The following ABCC1 variants were observed in gnomAD, a reference collection of about 807,000 sequenced individuals.
ABCC1 encodes ATP binding cassette subfamily C member 1 (ABCC1 blood group).
In ABCC1, 83 loss-of-function variants were observed where a neutral mutation model predicts 172.9. The observed-to-expected ratio is 0.48, with a 90% CI of 0.40 to 0.58. The LOEUF is 0.58. Among genes scored for constraint, ABCC1 ranks in the 20% least tolerant of loss-of-function variants. ABCC1 has a pLI of 0.00. For synonymous variants in ABCC1, 937 were observed against 825.2 expected (o/e 1.14, Z -2.32); for missense variants, 1,817 against 2,002.7 (o/e 0.91, Z 1.77).
chr16:16,055,192 T>C (rs1374204962), intron 11 of ABCC1, among the ~76,000 whole-genome samples: 3 of 152,008 alleles, frequency 2.0e-5, no homozygotes, highest in East Asian at 1.9e-4. Context: ...ATCATGCCAC[T>C]GCACTCCAGC....
chr16:16,009,667 A>G (rs957596320), intron 2 of ABCC1, 109 bp from the exon 3 acceptor site: 2 of 1,215,272 alleles, frequency 1.6e-6, no homozygotes, highest in Non-Finnish European at 2.2e-6. Flanking sequence ...GTGGCTGATC[A>G]TTTGAAGGCT....
intron 3 of ABCC1, among the ~76,000 whole-genome samples, chr16:16,013,131 C>T (rs997204790): frequency 2.0e-5 from 3 of 152,162 alleles, no homozygotes; most frequent in African/African-American, 7.2e-5. Flanking sequence ...CTCAGCCTCT[C>T]TTTATCTACC....
At chr16:16,011,245 GAAA>G (rs921034286) in intron 3 of ABCC1, among the ~76,000 whole-genome samples, 2 of 143,994 alleles carry the variant, frequency 1.4e-5, no homozygotes, top group African/African-American at 5.1e-5. Context: ...AAAAGAAAAA[GAAA>G]AAAAAAAGGA....
chr16:16,056,556 C>G, intron 12 of ABCC1: 1 of 497,740 alleles, frequency 2.0e-6, no homozygotes, highest in Non-Finnish European at 3.6e-6. Context: ...GTAGTCCCAG[C>G]TACTAGGGAG....
At position 16,113,587 on chromosome 16, in the gene ABCC1, C is replaced by T. The variant is rs112992529; in HGVS notation, c.3080-1179C>T. Among the ~76,000 whole-genome samples the T allele has an allele frequency of 9.4e-3, 1,425 of 152,094 alleles. 20 individuals are homozygous for T. The highest frequency in any genetic ancestry group is 0.033 in the African/African-American group (1,367 of 41,498). On this transcript the variant is annotated intron_variant, in intron 22 of 30. Transcript: ENST00000399410. ...GGAGGATTGCTTGAGCCCAGGAGGT[C>T]GAGGCTGCAGTGAGCCGTGATCACA...
At chr16:16,033,206 G>A (rs1229444924) in intron 6 of ABCC1, 36 bp downstream of exon 6, 1 of 1,591,240 alleles carries the variant, frequency 6.3e-7, no homozygotes, top group African/African-American at 1.3e-5. Context: ...GGGAGGTGGT[G>A]GGGAGTGAAT....
intron 23 of ABCC1, among the ~76,000 whole-genome samples, chr16:16,115,437 C>G (rs1358422799): frequency 6.6e-6 from 1 of 152,098 alleles, no homozygotes; most frequent in Non-Finnish European, 1.5e-5. Flanking sequence ...TTACTGCAAC[C>G]TCCACCTCCC....
In ABCC1 at chr16:16,068,190, T is replaced by C. The variant is rs762946711; in HGVS notation, c.1712T>C (p.Ile571Thr). The part of the protein sequence containing the change: ...ALCTFAVYVT[I>T]DENNILDAQT... ...TGCACATTTGCCGTCTACGTGACCATTGACGAGAACAACATCCTGGATGCC... is the reference window on the plus strand; with the variant it reads ...TGCACATTTGCCGTCTACGTGACCACTGACGAGAACAACATCCTGGATGCC... Residue 571 changes from isoleucine (I) to threonine (T), a missense_variant, in exon 13 of 31, where the codon ATT becomes ACT. Transcript: ENST00000399410. 21 of 1,614,168 alleles carry C rather than the reference T, an allele frequency of 1.3e-5. No individual in the cohort carries two copies. Among genetic ancestry groups the C allele is most frequent in the South Asian group, 7.7e-5 (7 of 91,080 alleles).
chr16:15,965,909 A>T (rs1233397782), intron 1 of ABCC1, among the ~76,000 whole-genome samples: 1 of 152,154 alleles, frequency 6.6e-6, no homozygotes, highest in Non-Finnish European at 1.5e-5. Context: ...CTTTTAAAGA[A>T]AACACTGTCC....
Position 16,105,695 on chromosome 16 carries a change from A to ATTTCT in ABCC1, c.2736-1024_2736-1020dup, listed in dbSNP as rs757391655. Among the ~76,000 whole-genome samples, 1,231 of 147,996 alleles carry ATTTCT rather than the reference A, an allele frequency of 8.3e-3. 11 individuals carry two copies. Among genetic ancestry groups the ATTTCT allele is most frequent in the South Asian group, 0.014 (66 of 4,654 alleles). ...AGCTGTGTTTTGCATGGTCTCCATA[A>ATTTCT]TTTCTTTTCTTTTCTTTTCTTTTTT... On this transcript the variant is annotated intron_variant, in intron 20 of 30. Coordinates refer to ENST00000399410, the MANE Select transcript of ABCC1 (RefSeq NM_004996.4).
At chr16:16,106,908 GAGTTTAT>G (rs2052146237) in intron 21 of ABCC1, 35 bp downstream of exon 21, 1 of 1,612,908 alleles carries the variant, frequency 6.2e-7, no homozygotes, top group East Asian at 2.2e-5. Context: ...ACAGTGGCTG[GAGTTTAT>G]AGAGCGCCCA....
chr16:16,112,542 T>C (rs1364555253), intron 22 of ABCC1, among the ~76,000 whole-genome samples: 1 of 152,222 alleles, frequency 6.6e-6, no homozygotes, highest in Admixed American at 6.5e-5. Context: ...GCAGCAGTCC[T>C]GTGAGGTAGG....
At chr16:16,018,225 G>T (rs1490111158) in intron 5 of ABCC1, among the ~76,000 whole-genome samples, 7 of 152,112 alleles carry the variant, frequency 4.6e-5, no homozygotes, top group Admixed American at 3.3e-4. Context: ...TATGGAGGAG[G>T]AGGTTGATGA....
chr16:16,079,822 T>C (rs1024490513), intron 16 of ABCC1, among the ~76,000 whole-genome samples: 4 of 151,572 alleles, frequency 2.6e-5, no homozygotes, highest in Non-Finnish European at 5.9e-5. Flanking sequence ...TATTGTGTTT[T>C]TTTTTTTTTG....
intron 1 of ABCC1, among the ~76,000 whole-genome samples, chr16:15,995,247 G>A (rs2047016756): frequency 6.6e-6 from 1 of 152,148 alleles, no homozygotes; most frequent in South Asian, 2.1e-4. Context: ...GAGTCCTAGA[G>A]TTGTGTGTGA....
At chr16:16,027,452 T>C (rs2048413019) in intron 5 of ABCC1, among the ~76,000 whole-genome samples, 1 of 152,166 alleles carries the variant, frequency 6.6e-6, no homozygotes, top group Non-Finnish European at 1.5e-5. Flanking sequence ...TAGTGGTGTA[T>C]TGTGAACCCA....
Position 16,068,091 on chromosome 16 carries a change from A to G in ABCC1, c.1678-65A>G, listed in dbSNP as rs2050182512. ...CCCAAGCGCGTCTCCAGGGCCTGTC[A>G]CTGCTCCTAGGATGATGACTCTCAC... On this transcript the variant is annotated intron_variant, in intron 12 of 30. Coordinates refer to ENST00000399410, the MANE Select transcript of ABCC1 (RefSeq NM_004996.4). 1.9e-6 allele frequency: 3 copies of G among 1,597,464 alleles called. No individual in the cohort carries two copies. In the South Asian group the frequency reaches 3.3e-5, roughly 18 times the overall value.
chr16:16,088,121 A>ATG (rs1292847920), intron 18 of ABCC1, among the ~76,000 whole-genome samples: 2 of 102,492 alleles, frequency 2.0e-5, no homozygotes, highest in African/African-American at 6.6e-5. Context: ...ATATGTGTGT[A>ATG]TGCGTGTGTG....
At chr16:16,012,927 C>T (rs34184710) in intron 3 of ABCC1, among the ~76,000 whole-genome samples, 35,340 of 151,688 alleles carry the variant, frequency 0.23, 5,225 homozygotes, top group African/African-American at 0.41. Flanking sequence ...AGGTGATCCA[C>T]GTGCCTTGGC....
Sources: allele counts gnomAD v4.1 joint callset (sites outside exome capture counted in the v4.1 genomes callset), GRCh38; gene constraint gnomAD v4.1.1; transcripts MANE v1.5; gene names NCBI Gene and HGNC (gene_info 2026-07-23, HGNC 2026-07-21).